The following GALNT13 variants were observed in gnomAD, a reference collection of about 807,000 sequenced individuals.
GALNT13 encodes the protein polypeptide N-acetylgalactosaminyltransferase 13, also known as UDP-GalNAc:polypeptide N-acetylgalactosaminyltransferase 13.
GALNT13 carries 28 observed loss-of-function variants against 64.2 expected under a neutral mutation model. The ratio of observed to expected loss-of-function variants is 0.44; its 90% CI spans 0.32 to 0.60. The LOEUF (loss-of-function observed/expected upper bound fraction) is 0.60. Ranked by LOEUF, GALNT13 falls within the 20% of genes least tolerant of loss-of-function variation. The pLI, the probability that GALNT13 is intolerant of heterozygous loss-of-function variation, is 0.05. For missense variants in GALNT13, 577 were observed against 669.8 expected (o/e 0.86, Z 1.53); for synonymous variants, 214 against 224.6 (o/e 0.95, Z 0.42).
At chr2:153,098,489 T>C in the GALNT13 span, among the ~76,000 whole-genome samples, 1 of 152,346 alleles carries the variant, frequency 6.6e-6, no homozygotes, top group African/African-American at 2.4e-5. Flanking sequence ...AAGTATGCAT[T>C]CCTATACATA....
At chr2:154,051,642 G>T (rs1333501227) in intron 3 of GALNT13, among the ~76,000 whole-genome samples, 1 of 152,094 alleles carries the variant, frequency 6.6e-6, no homozygotes. Context: ...ATTAATCAGG[G>T]TTAGAATCAA....
intron 8 of GALNT13, among the ~76,000 whole-genome samples, chr2:154,282,963 A>C (rs1692044642): frequency 6.6e-6 from 1 of 152,328 alleles, no homozygotes; most frequent in South Asian, 2.1e-4. Context: ...AATCAAAATG[A>C]CAATGAAGAA....
intron 4 of GALNT13, among the ~76,000 whole-genome samples, chr2:154,146,334 T>C (rs16836124): frequency 0.12 from 18,893 of 151,946 alleles, 1,302 homozygotes; most frequent in South Asian, 0.21. Context: ...AAGTACGTTG[T>C]ATGCAGAAAA....
chr2:153,658,985 A>G, the GALNT13 span, among the ~76,000 whole-genome samples: 1 of 152,146 alleles, frequency 6.6e-6, no homozygotes, highest in Non-Finnish European at 1.5e-5. Flanking sequence ...ACTCACAAGC[A>G]TGAAAAAATA....
At chr2:153,223,787 C>T in the GALNT13 span, among the ~76,000 whole-genome samples, 4 of 151,550 alleles carry the variant, frequency 2.6e-5, no homozygotes, top group African/African-American at 7.3e-5. Context: ...GGTGAAATCC[C>T]GCCTCTACTA....
chr2:153,628,968 T>A, the GALNT13 span, among the ~76,000 whole-genome samples: 4 of 152,256 alleles, frequency 2.6e-5, no homozygotes, highest in East Asian at 7.8e-4. Flanking sequence ...TGTGAATCTG[T>A]CTGGTCCTGG....
the GALNT13 span, among the ~76,000 whole-genome samples, chr2:153,781,709 A>C: frequency 1.3e-5 from 2 of 152,124 alleles, no homozygotes; most frequent in African/African-American, 2.4e-5. Flanking sequence ...TAAAAAAAAA[A>C]CTAAATGTAG....
chr2:153,755,469 A>C, the GALNT13 span, among the ~76,000 whole-genome samples: 1 of 152,050 alleles, frequency 6.6e-6, no homozygotes. Flanking sequence ...ATAAGAGCTT[A>C]TGGTTTTAAT....
chr2:154,309,644 A>G (rs745355406), intron 9 of GALNT13, among the ~76,000 whole-genome samples: 18 of 152,314 alleles, frequency 1.2e-4, no homozygotes, highest in South Asian at 2.1e-4. Flanking sequence ...GCTTTAATCT[A>G]TTCATGAGAG....
intron 4 of GALNT13, among the ~76,000 whole-genome samples, chr2:154,233,341 C>T (rs189468664): frequency 1.6e-4 from 25 of 152,170 alleles, no homozygotes; most frequent in South Asian, 8.3e-4. Context: ...GACATAATAA[C>T]GAAGTTCTGG....
At chr2:154,314,651 G>A (rs1694232190) in intron 9 of GALNT13, among the ~76,000 whole-genome samples, 2 of 152,266 alleles carry the variant, frequency 1.3e-5, no homozygotes, top group South Asian at 4.1e-4. Flanking sequence ...GGGAAAGAAA[G>A]GAAGCAAGAG....
At chr2:153,891,496 A>C (rs1395580367) in intron 1 of GALNT13, among the ~76,000 whole-genome samples, 1 of 151,146 alleles carries the variant, frequency 6.6e-6, no homozygotes, top group African/African-American at 2.4e-5. Flanking sequence ...GAGTTCTGCC[A>C]CTTATGTCAT....
chr2:153,909,498 A>G (rs1309627413), intron 2 of GALNT13, among the ~76,000 whole-genome samples: 1 of 152,046 alleles, frequency 6.6e-6, no homozygotes, highest in Non-Finnish European at 1.5e-5. Flanking sequence ...GAGAGGGGGC[A>G]TCCTTGTCTT....
At chr2:153,201,973 CT>C in the GALNT13 span, among the ~76,000 whole-genome samples, 534 of 108,854 alleles carry the variant, frequency 4.9e-3, 5 homozygotes, top group African/African-American at 0.013. Flanking sequence ...CCACCCATTT[CT>C]TTTTTTTTTT....
At chr2:153,261,743 C>T in the GALNT13 span, among the ~76,000 whole-genome samples, 2 of 132,392 alleles carry the variant, frequency 1.5e-5, no homozygotes, top group Admixed American at 7.3e-5. Context: ...GGCAATCTAC[C>T]CAGGCTTGTG....
the GALNT13 span, among the ~76,000 whole-genome samples, chr2:153,249,601 G>A: frequency 1.3e-5 from 2 of 152,062 alleles, no homozygotes; most frequent in African/African-American, 4.8e-5. Context: ...AAAACTGGAG[G>A]CATCATACTA....
At chr2:154,333,008 G>A (rs928631214) in intron 9 of GALNT13, among the ~76,000 whole-genome samples, 2 of 151,964 alleles carry the variant, frequency 1.3e-5, no homozygotes, top group African/African-American at 4.8e-5. Context: ...CATTCTCAGT[G>A]TTTCTGGAGA....
the GALNT13 span, among the ~76,000 whole-genome samples, chr2:153,407,860 G>T: frequency 3.8e-4 from 58 of 152,298 alleles, no homozygotes; most frequent in African/African-American, 1.3e-3. Flanking sequence ...GTAGGGGTAG[G>T]CTTGTGTGCC....
chr2:154,395,433 CT>C (rs1699011800), intron 9 of GALNT13, among the ~76,000 whole-genome samples: 1 of 151,824 alleles, frequency 6.6e-6, no homozygotes, highest in African/African-American at 2.4e-5. Context: ...TATTTGCTAA[CT>C]TTTTCAAGGA....
Sources: gnomAD v4.1 joint callset for allele counts (sites outside exome capture counted in the v4.1 genomes callset) on GRCh38, gnomAD v4.1.1 for gene constraint, MANE v1.5 for transcripts, NCBI Gene and HGNC (gene_info 2026-07-23, HGNC 2026-07-21) for gene names.